GPHN: variants seen among roughly 807,000 people sequenced by gnomAD.
GPHN encodes the protein gephyrin.
Under a neutral mutation model 95.5 loss-of-function variants are expected in GPHN, and 17 were observed. The observed-to-expected ratio is 0.18, with a 90% CI of 0.12 to 0.27. The LOEUF (loss-of-function observed/expected upper bound fraction) is 0.27, where lower values mean the gene tolerates loss of function less well. Among genes scored for constraint, GPHN ranks in the 10% least tolerant of loss-of-function variants. The pLI is 1.00. For missense variants in GPHN, 660 were observed against 978.1 expected (o/e 0.67, Z 4.34); for synonymous variants, 320 against 322.5 (o/e 0.99, Z 0.08).
intron 4 of GPHN, among the ~76,000 whole-genome samples, chr14:66,865,854 C>A (rs562168733): frequency 6.6e-5 from 10 of 152,202 alleles, no homozygotes; most frequent in African/African-American, 2.4e-4. Context: ...TTGATTAATT[C>A]TTAAGTTTGG....
chr14:66,720,572 A>C (rs190534820), intron 2 of GPHN, among the ~76,000 whole-genome samples: 1 of 152,338 alleles, frequency 6.6e-6, no homozygotes, highest in Admixed American at 6.5e-5. Context: ...ATTAGCATTC[A>C]TTTGTTAAAG....
In GPHN at chr14:66,508,379, T is replaced by C; in HGVS notation, c.-149T>C. The stretch of plus-strand genomic sequence containing the variant: ...CTCCCCCACGCAGGCCACCGTGCAC[T>C]CTGTGGCCTCCCCCTCCTTCCCCGC... On this transcript the variant is annotated 5_prime_UTR_variant, in exon 1 of 23. Coordinates refer to ENST00000478722, the MANE Select transcript of GPHN (RefSeq NM_020806.5). The C allele has an allele frequency of 1.3e-6, 1 of 765,514 alleles. No homozygotes were observed. Among genetic ancestry groups the C allele is most frequent in the Non-Finnish European group, 2.3e-6 (1 of 430,248 alleles). The allele number at this position is 765,514 out of a possible 1,614,324, so 47.4% of individuals were successfully genotyped here. A position where few individuals can be genotyped will look rare whatever the true frequency, so the allele number is the denominator to read the frequency against.
At chr14:66,922,619 T>C in intron 6 of GPHN, 47 bp from the exon 7 acceptor site, 1 of 1,501,784 alleles carries the variant, frequency 6.7e-7, no homozygotes, top group East Asian at 2.3e-5. Context: ...CTTATATAAT[T>C]ACAAAAGTGC....
chr14:66,888,824 G>A (rs1308946562), intron 5 of GPHN, among the ~76,000 whole-genome samples: 1 of 152,030 alleles, frequency 6.6e-6, no homozygotes, highest in African/African-American at 2.4e-5. Context: ...CCAGCTATAT[G>A]CTGTCTACAT....
At chr14:66,775,224 T>C (rs113619978) in intron 2 of GPHN, among the ~76,000 whole-genome samples, 79 of 152,176 alleles carry the variant, frequency 5.2e-4, no homozygotes, top group African/African-American at 1.6e-3. Flanking sequence ...AGAGGAGATA[T>C]CCTAAAGGGT....
intron 17 of GPHN, among the ~76,000 whole-genome samples, chr14:67,136,881 C>A (rs2080107314): frequency 1.3e-5 from 2 of 152,060 alleles, no homozygotes; most frequent in Non-Finnish European, 2.9e-5. Context: ...AATCAAGATT[C>A]ATGTTAGTAT....
chr14:67,549,427 C>T, the GPHN span, among the ~76,000 whole-genome samples: 2 of 152,002 alleles, frequency 1.3e-5, no homozygotes, highest in African/African-American at 2.4e-5. Context: ...CATGCCACCA[C>T]GCCCAGCTAA....
At chr14:67,555,742 CA>C in the GPHN span, 1 of 1,565,362 alleles carries the variant, frequency 6.4e-7, no homozygotes, top group Non-Finnish European at 8.7e-7. Flanking sequence ...GCAGTGTGTG[CA>C]CAGTTCTCTA....
At chr14:67,182,337 T>C (rs946559004), downstream of GPHN, among the ~76,000 whole-genome samples, 1 of 152,196 alleles carries the variant, frequency 6.6e-6, no homozygotes, top group Non-Finnish European at 1.5e-5. Context: ...AGGGGCACTT[T>C]TCAAATGGTG....
At chr14:67,453,531 A>T in the GPHN span, among the ~76,000 whole-genome samples, 1 of 152,156 alleles carries the variant, frequency 6.6e-6, no homozygotes, top group African/African-American at 2.4e-5. Context: ...CCCATCAGGG[A>T]TGTATAAATA....
chr14:66,801,636 C>G (rs937537353), intron 3 of GPHN, among the ~76,000 whole-genome samples: 2 of 134,294 alleles, frequency 1.5e-5, no homozygotes, highest in Non-Finnish European at 3.2e-5. Flanking sequence ...CTCTCTCCCC[C>G]CTCTCTCTCC....
At position 67,110,194 on chromosome 14, in the gene GPHN, A is replaced by G; in HGVS notation, c.1348A>G (p.Ile450Val). The change falls in exon 14 of 23, where the codon ATA (isoleucine) becomes GTA (valine). Residue 450 changes from isoleucine to valine, a missense_variant. Ile to Val is a conservative substitution (Grantham distance 29). Coordinates refer to ENST00000478722, the MANE Select transcript of GPHN (RefSeq NM_020806.5). ...CATGCGGGTTACAACAGGTGCTCCA[A>G]TACCCTGCGGTGCTGATGCAGTAGT... Reference protein sequence around the residue: ...QVMRVTTGAPIPCGADAVVQV... With the variant: ...QVMRVTTGAPVPCGADAVVQV... The G allele has an allele frequency of 6.2e-7, 1 of 1,612,796 alleles. No individual in the cohort carries two copies. The highest frequency in any genetic ancestry group is 2.2e-5 in the East Asian group (1 of 44,866).
At chr14:67,560,459 A>G in the GPHN span, among the ~76,000 whole-genome samples, 2 of 152,238 alleles carry the variant, frequency 1.3e-5, no homozygotes, top group African/African-American at 4.8e-5. Flanking sequence ...TTGTGCAGCC[A>G]TCACTGCTAT....
chr14:67,461,425 G>A, the GPHN span, among the ~76,000 whole-genome samples: 2 of 152,190 alleles, frequency 1.3e-5, no homozygotes, highest in African/African-American at 2.4e-5. Flanking sequence ...GGTACATGGA[G>A]CATAAACAGC....
At chr14:67,663,248 A>G in the GPHN span, 1 of 1,175,994 alleles carries the variant, frequency 8.5e-7, no homozygotes, top group Admixed American at 2.2e-5. Context: ...CTAAAACAGT[A>G]TTGTCTTAAT....
chr14:67,446,548 C>T, the GPHN span, among the ~76,000 whole-genome samples: 3 of 152,186 alleles, frequency 2.0e-5, no homozygotes, highest in African/African-American at 7.2e-5. Context: ...CTGCCAAGCA[C>T]GCCAGCCACT....
At chr14:67,342,209 T>TA in the GPHN span, among the ~76,000 whole-genome samples, 10 of 98,140 alleles carry the variant, frequency 1.0e-4, no homozygotes, top group Admixed American at 4.8e-4. Context: ...AATAAATAAA[T>TA]AAATAAAATA....
At chr14:67,436,105 C>A in the GPHN span, among the ~76,000 whole-genome samples, 1,078 of 152,310 alleles carry the variant, frequency 7.1e-3, 13 homozygotes, top group African/African-American at 0.025. Flanking sequence ...CCCACAGAAG[C>A]CTCTTTACTG....
In GPHN at chr14:67,143,367, A is replaced by C. The variant is rs766836336; in HGVS notation, c.1754A>C (p.Asp585Ala). ...TTGTCTTTATTTTTTTCCAGCCCAGATGACTTACTCAATGCCTTGAATGAG... is the reference window on the plus strand; with the variant it reads ...TTGTCTTTATTTTTTTCCAGCCCAGCTGACTTACTCAATGCCTTGAATGAG... ...INLGIVGDNP[D>A]DLLNALNEGI... is the part of the protein sequence containing the mutation. Residue 585 changes from aspartate (D) to alanine (A), a missense_variant, in exon 18 of 23, where the codon GAT becomes GCT. Around this residue, in one of 6 missense-constraint regions of GPHN, gnomAD observed 257 missense variants for 376.2 expected, o/e 0.68. Coordinates refer to ENST00000478722, the MANE Select transcript of GPHN (RefSeq NM_020806.5). 4 of 1,603,624 alleles carry C rather than the reference A, an allele frequency of 2.5e-6. No individual in the cohort carries two copies. In the African/African-American group the frequency reaches 5.4e-5, roughly 21 times the overall value.
Sources: allele counts gnomAD v4.1 joint callset (sites outside exome capture counted in the v4.1 genomes callset), GRCh38; gene constraint gnomAD v4.1.1; regional missense constraint gnomAD v4.1.1; transcripts MANE v1.5; gene names NCBI Gene and HGNC (gene_info 2026-07-23, HGNC 2026-07-21).